The following MALRD1 variants were observed in gnomAD, a reference collection of about 807,000 sequenced individuals.
The protein encoded by MALRD1 is MAM and LDL-receptor class A domain-containing protein 1.
In MALRD1, 247 loss-of-function variants were observed where a neutral mutation model predicts 242.1. That is an observed-to-expected ratio of 1.02 (90% CI 0.92 to 1.13). The LOEUF (loss-of-function observed/expected upper bound fraction) is 1.13. Ranked by LOEUF, MALRD1 falls within the 50% of genes most tolerant of loss-of-function variation. MALRD1 has a pLI of 0.00. For missense variants in MALRD1, 2,989 were observed against 2,533.1 expected (o/e 1.18, Z -3.86); for synonymous variants, 995 against 866.6 (o/e 1.15, Z -2.60).
intron 5 of MALRD1, among the ~76,000 whole-genome samples, chr10:19,120,399 T>C (rs528631062): frequency 2.6e-5 from 4 of 152,300 alleles, no homozygotes; most frequent in African/African-American, 9.6e-5. Context: ...AGGTCAATCT[T>C]GATATATGCA....
chr10:19,115,678 C>T (rs1196404921), intron 5 of MALRD1, among the ~76,000 whole-genome samples: 1 of 151,998 alleles, frequency 6.6e-6, no homozygotes, highest in African/African-American at 2.4e-5. Flanking sequence ...GAGTTCGAGA[C>T]CAACCTGGGC....
chr10:19,162,938 G>C (rs1834495955), intron 12 of MALRD1, among the ~76,000 whole-genome samples: 1 of 151,638 alleles, frequency 6.6e-6, no homozygotes, highest in Non-Finnish European at 1.5e-5. Flanking sequence ...TTTAAGACCA[G>C]TCTGGGTAAC....
intron 31 of MALRD1, among the ~76,000 whole-genome samples, chr10:19,505,993 A>G (rs1336473655): frequency 6.6e-6 from 1 of 152,140 alleles, no homozygotes; most frequent in Non-Finnish European, 1.5e-5. Context: ...AAAGATTCTT[A>G]TTTAATTGGT....
chr10:19,381,378 ATG>A (rs1180398559), intron 26 of MALRD1, among the ~76,000 whole-genome samples: 2 of 151,944 alleles, frequency 1.3e-5, no homozygotes, highest in Non-Finnish European at 2.9e-5. Context: ...ATACGTGTGC[ATG>A]TGTCTTTATA....
chr10:19,294,264 T>C (rs1250325112), intron 21 of MALRD1, among the ~76,000 whole-genome samples: 1 of 152,184 alleles, frequency 6.6e-6, no homozygotes, highest in East Asian at 1.9e-4. Flanking sequence ...ATTGTTATAA[T>C]TGCCCCCAAA....
intron 2 of MALRD1, among the ~76,000 whole-genome samples, chr10:19,071,352 A>C (rs565288035): frequency 6.7e-6 from 1 of 149,628 alleles, no homozygotes; most frequent in Non-Finnish European, 1.5e-5. Context: ...TTTTTCTATC[A>C]TACCTAGCTA....
chr10:19,597,423 A>G (rs1403718902), intron 34 of MALRD1, among the ~76,000 whole-genome samples: 2 of 152,198 alleles, frequency 1.3e-5, no homozygotes, highest in African/African-American at 4.8e-5. Context: ...CAAAAGGGAA[A>G]TAAGGCCACG....
chr10:19,346,868 T>C (rs1844154742), intron 24 of MALRD1, among the ~76,000 whole-genome samples: 1 of 152,106 alleles, frequency 6.6e-6, no homozygotes, highest in Non-Finnish European at 1.5e-5. Flanking sequence ...CAGGCTGGTC[T>C]TGAACTCCTG....
chr10:19,332,472 A>G (rs958207563), intron 24 of MALRD1, among the ~76,000 whole-genome samples: 14 of 152,192 alleles, frequency 9.2e-5, no homozygotes, highest in African/African-American at 3.1e-4. Context: ...TATGTACTCA[A>G]TCTGCTAAGC....
chr10:19,172,694 G>C lies in MALRD1; in HGVS notation c.1831-2514G>C, dbSNP rs544154670. On this transcript the variant is annotated intron_variant, in intron 13 of 39. Transcript: ENST00000454679. The stretch of plus-strand genomic sequence containing the variant: ...TTTTTCCTCCAGTTTTCTCTGAGTA[G>C]CACAGACCTTCAAATATGATGGTCA... Among the ~76,000 whole-genome samples the C allele has an allele frequency of 1.6e-3, 238 of 151,336 alleles. 2 individuals are homozygous for C. Among genetic ancestry groups the C allele is most frequent in the African/African-American group, 5.5e-3 (229 of 41,316 alleles).
At chr10:19,135,612 G>A (rs563422353) in intron 9 of MALRD1, among the ~76,000 whole-genome samples, 2 of 152,294 alleles carry the variant, frequency 1.3e-5, no homozygotes, top group South Asian at 2.1e-4. Context: ...TATATCTGAT[G>A]TCCAGTATGG....
chr10:19,681,505 A>G lies in MALRD1; in HGVS notation c.6138-10777A>G, dbSNP rs565740800. ...TCTTGTGTTGTGTTTTTTCTGCACC[A>G]TCAGGTTATTTATGCTTGCCTCAAA... is the stretch of plus-strand genomic sequence containing the variant. On this transcript the variant is annotated intron_variant, in intron 36 of 39. Transcript: ENST00000454679. 2.8e-4 allele frequency among the ~76,000 whole-genome samples: 42 copies of G among 152,240 alleles called. No homozygotes were observed. The South Asian group carries it at 7.5e-3, about 27-fold the overall frequency.
intron 36 of MALRD1, among the ~76,000 whole-genome samples, chr10:19,665,595 C>T (rs981158965): frequency 3.3e-5 from 5 of 152,080 alleles, no homozygotes; most frequent in African/African-American, 4.8e-5. Context: ...CTTCACCTTC[C>T]TCCCCCAAGA....
chr10:19,266,184 T>C (rs945086304), intron 19 of MALRD1, among the ~76,000 whole-genome samples: 1 of 152,050 alleles, frequency 6.6e-6, no homozygotes, highest in African/African-American at 2.4e-5. Context: ...CTATGTCTTT[T>C]TGTTGTAGAA....
chr10:19,672,161 C>T (rs1335556012), intron 36 of MALRD1, among the ~76,000 whole-genome samples: 1 of 152,016 alleles, frequency 6.6e-6, no homozygotes. Context: ...AGGTGTTACA[C>T]ATTAAAGACC....
intron 26 of MALRD1, among the ~76,000 whole-genome samples, chr10:19,366,930 C>G (rs1845135349): frequency 6.6e-6 from 1 of 152,112 alleles, no homozygotes; most frequent in South Asian, 2.1e-4. Flanking sequence ...TTAAGTTTAG[C>G]AATTCTAGTG....
intron 28 of MALRD1, among the ~76,000 whole-genome samples, chr10:19,422,986 G>A (rs1256395684): frequency 1.3e-5 from 2 of 152,146 alleles, no homozygotes; most frequent in Middle Eastern, 3.2e-3. Flanking sequence ...CCTACGAAGC[G>A]AGATTCTTAA....
intron 31 of MALRD1, among the ~76,000 whole-genome samples, chr10:19,529,865 A>G (rs1393529364): frequency 6.6e-6 from 1 of 152,060 alleles, no homozygotes; most frequent in Admixed American, 6.6e-5. Flanking sequence ...ATAAAAAGAA[A>G]CATTACATAA....
At chr10:19,169,640 G>T (rs533530688) in intron 13 of MALRD1, among the ~76,000 whole-genome samples, 1 of 152,112 alleles carries the variant, frequency 6.6e-6, no homozygotes, top group Non-Finnish European at 1.5e-5. Context: ...ATTTCTCTGA[G>T]TGTATTTTTA....
Sources: gnomAD v4.1 joint callset for allele counts (sites outside exome capture counted in the v4.1 genomes callset) on GRCh38, gnomAD v4.1.1 for gene constraint, MANE v1.5 for transcripts, NCBI Gene and HGNC (gene_info 2026-07-23, HGNC 2026-07-21) for gene names.